Variants in GPR137C observed in about 807,000 individuals in gnomAD.
GPR137C encodes the protein integral membrane protein GPR137C.
A neutral mutation model predicts 43.4 loss-of-function variants in GPR137C; 27 were observed. The observed-to-expected ratio is 0.62, with a 90% CI of 0.46 to 0.86. The LOEUF is 0.86. Among genes scored for constraint, GPR137C ranks in the 40% least tolerant of loss-of-function variants. The probability of loss-of-function intolerance (pLI) is 0.00; values close to 1 mark genes in which losing one functional copy is unlikely to be tolerated. For missense variants in GPR137C, 522 were observed against 534.6 expected, an observed-to-expected ratio of 0.98 and a Z score of 0.23; for synonymous variants, 285 against 226.9, an observed-to-expected ratio of 1.26 and a Z score of -2.30.
intron 3 of GPR137C, among the ~76,000 whole-genome samples, chr14:52,628,576 G>A (rs562742144): frequency 1.4e-4 from 22 of 152,166 alleles, no homozygotes; most frequent in Middle Eastern, 3.4e-3. Flanking sequence ...TGGTCAGATC[G>A]CTTGAGGTCA....
chr14:52,553,674 C>T lies in GPR137C; in HGVS notation c.444+83C>T, dbSNP rs1594775355. Reference sequence around the variant, plus strand: ...AACTCCCGCTGAGGACCAGCGGGGGCGGGGGGTGGGCAGCGAGAGGCGGAC... The same window carrying T: ...AACTCCCGCTGAGGACCAGCGGGGGTGGGGGGTGGGCAGCGAGAGGCGGAC... On this transcript the variant is annotated intron_variant, in intron 1 of 6. Coordinates refer to ENST00000321662, the MANE Select transcript of GPR137C (RefSeq NM_001099652.2). 4.4e-6 allele frequency: 4 copies of T among 900,890 alleles called. No homozygotes were observed. In the African/African-American group the frequency reaches 5.5e-5, roughly 12 times the overall value. The allele number at this position is 900,890 out of a possible 1,614,324, so 55.8% of individuals were successfully genotyped here.
rs76284993 is a variant in GPR137C at position 52,588,678 on chromosome 14, A to G, written c.445-9594A>G. On this transcript the variant is annotated intron_variant, in intron 1 of 6. Coordinates refer to ENST00000321662, the MANE Select transcript of GPR137C (RefSeq NM_001099652.2). Reference sequence around the variant, plus strand: ...GTGAAGATTAAAAGAGACTAAATACACATGAAATATGTACCTAATGCATAA... The same window carrying G: ...GTGAAGATTAAAAGAGACTAAATACGCATGAAATATGTACCTAATGCATAA... Among the ~76,000 whole-genome samples, 740 of 152,314 alleles carry G rather than the reference A, an allele frequency of 4.9e-3. 4 individuals are homozygous for G. The highest frequency in any genetic ancestry group is 0.017 in the African/African-American group (686 of 41,570).
intron 1 of GPR137C, among the ~76,000 whole-genome samples, chr14:52,579,067 ATCTT>A (rs1594787873): frequency 6.6e-6 from 1 of 152,128 alleles, no homozygotes; most frequent in Non-Finnish European, 1.5e-5. Context: ...GTATGTTTAG[ATCTT>A]TCTTCTTGGG....
At chr14:52,557,362 T>C (rs1428245154) in intron 1 of GPR137C, among the ~76,000 whole-genome samples, 9 of 152,218 alleles carry the variant, frequency 5.9e-5, no homozygotes, top group Admixed American at 3.3e-4. Context: ...TCATACAATA[T>C]AGAGTTTTGT....
chr14:52,628,254 C>T (rs2039252857), intron 3 of GPR137C, among the ~76,000 whole-genome samples: 1 of 152,026 alleles, frequency 6.6e-6, no homozygotes, highest in Admixed American at 6.6e-5. Flanking sequence ...AATCCAATAC[C>T]ACAAGGAATT....
intron 2 of GPR137C, among the ~76,000 whole-genome samples, chr14:52,599,322 T>C (rs1826439001): frequency 6.6e-6 from 1 of 152,190 alleles, no homozygotes; most frequent in African/African-American, 2.4e-5. Context: ...GCTCTACATA[T>C]ACTGTCCCTA....
chr14:52,571,213 G>C (rs1226229968), intron 1 of GPR137C, among the ~76,000 whole-genome samples: 3 of 152,096 alleles, frequency 2.0e-5, no homozygotes, highest in Admixed American at 6.6e-5. Context: ...CATGAAAACT[G>C]AACAACCTGC....
chr14:52,580,941 G>A (rs956753019), intron 1 of GPR137C, among the ~76,000 whole-genome samples: 1 of 150,210 alleles, frequency 6.7e-6, no homozygotes, highest in Non-Finnish European at 1.5e-5. Context: ...GCTCACACCT[G>A]TAATCCCAGC....
At chr14:52,568,605 G>C (rs912796453) in intron 1 of GPR137C, among the ~76,000 whole-genome samples, 20 of 152,144 alleles carry the variant, frequency 1.3e-4, no homozygotes, top group African/African-American at 4.1e-4. Context: ...GGAGCTTGGT[G>C]GGGGGAGGGG....
rs534952986 is a variant in GPR137C at position 52,555,485 on chromosome 14, G to A, written c.444+1894G>A. Among the ~76,000 whole-genome samples, 11 of 152,208 alleles carry A rather than the reference G, an allele frequency of 7.2e-5. No homozygotes were observed. In the South Asian group the frequency reaches 2.1e-3, roughly 29 times the overall value. ...GCTCCCCCAGGTAAGCACAAAGTGGGTAAACACTATCCAAAAAAGGAGATA... is the reference window on the plus strand; with the variant it reads ...GCTCCCCCAGGTAAGCACAAAGTGGATAAACACTATCCAAAAAAGGAGATA... On this transcript the variant is annotated intron_variant, in intron 1 of 6. Transcript: ENST00000321662.
At chr14:52,599,593 C>T (rs1331970341) in intron 2 of GPR137C, among the ~76,000 whole-genome samples, 1 of 152,034 alleles carries the variant, frequency 6.6e-6, no homozygotes, top group African/African-American at 2.4e-5. Context: ...GCCGCCATAC[C>T]CAGCTAATTT....
Position 52,573,634 on chromosome 14 carries a change from A to G in GPR137C, c.444+20043A>G, listed in dbSNP as rs148777145. Among the ~76,000 whole-genome samples, 828 of 152,316 alleles carry G rather than the reference A, an allele frequency of 5.4e-3. 7 individuals carry two copies. The highest frequency in any genetic ancestry group is 0.018 in the African/African-American group (767 of 41,556). On this transcript the variant is annotated intron_variant, in intron 1 of 6. Coordinates refer to ENST00000321662, the MANE Select transcript of GPR137C (RefSeq NM_001099652.2). ...CCATAAAAACCCAAGAAGAAAACCT[A>G]GGCAATACCATTCAGGACATAGGGA...
At chr14:52,617,459 A>T (rs1219864302) in intron 3 of GPR137C, among the ~76,000 whole-genome samples, 1 of 152,090 alleles carries the variant, frequency 6.6e-6, no homozygotes, top group East Asian at 1.9e-4. Flanking sequence ...CAGGTGGATC[A>T]CTTGAGGTCA....
Position 52,593,903 on chromosome 14 carries a change from GTTCTT to G in GPR137C, c.445-4366_445-4362del, listed in dbSNP as rs550586853. On this transcript the variant is annotated intron_variant, in intron 1 of 6. Transcript: ENST00000321662. Reference sequence around the variant, plus strand: ...GAATTTGTTTGCTCTTGCTTCTCTAGTTCTTTTAATTGTGATGTTAGGGTGTCCAT... The same window carrying G: ...GAATTTGTTTGCTCTTGCTTCTCTAGTTAATTGTGATGTTAGGGTGTCCAT... Among the ~76,000 whole-genome samples, 6 of 152,164 alleles carry G rather than the reference GTTCTT, an allele frequency of 3.9e-5. No homozygotes were observed. The South Asian group carries it at 1.2e-3, about 32-fold the overall frequency.
intron 1 of GPR137C, among the ~76,000 whole-genome samples, chr14:52,559,545 G>A (rs2038248557): frequency 6.6e-6 from 1 of 151,900 alleles, no homozygotes; most frequent in South Asian, 2.1e-4. Context: ...GAGGGAAAAG[G>A]GGGAATTTTT....
intron 1 of GPR137C, among the ~76,000 whole-genome samples, chr14:52,590,273 T>C (rs927907541): frequency 1.3e-5 from 2 of 151,968 alleles, no homozygotes; most frequent in Non-Finnish European, 2.9e-5. Flanking sequence ...GCTTATTGAA[T>C]AAGGATATGA....
At chr14:52,588,912 T>C (rs555561957) in intron 1 of GPR137C, among the ~76,000 whole-genome samples, 11 of 152,230 alleles carry the variant, frequency 7.2e-5, no homozygotes, top group Non-Finnish European at 1.5e-4. Flanking sequence ...AATGATTTTT[T>C]GAAAATCATA....
chr14:52,569,878 G>A (rs1260016624), intron 1 of GPR137C, among the ~76,000 whole-genome samples: 1 of 151,412 alleles, frequency 6.6e-6, no homozygotes, highest in African/African-American at 2.4e-5. Context: ...TCCTGAAGTG[G>A]GAAAACACTC....
intron 1 of GPR137C, among the ~76,000 whole-genome samples, chr14:52,556,654 A>G (rs1249813549): frequency 6.6e-6 from 1 of 152,156 alleles, no homozygotes; most frequent in Non-Finnish European, 1.5e-5. Context: ...AGACTTCAAT[A>G]TTTGAAACAG....
Sources: allele counts gnomAD v4.1 joint callset (sites outside exome capture counted in the v4.1 genomes callset), GRCh38; gene constraint gnomAD v4.1.1; transcripts MANE v1.5; gene names NCBI Gene and HGNC (gene_info 2026-07-23, HGNC 2026-07-21).